Variants in DNAJC3 observed in about 807,000 individuals in gnomAD.
DNAJC3 encodes the protein dnaJ homolog subfamily C member 3.
In DNAJC3, 38 loss-of-function variants were observed where a neutral mutation model predicts 68.6. The observed-to-expected ratio is 0.55, with a 90% confidence interval of 0.43 to 0.73. The LOEUF (loss-of-function observed/expected upper bound fraction) is 0.73, where lower values mean the gene tolerates loss of function less well. Ranked by LOEUF, DNAJC3 falls within the 30% of genes least tolerant of loss-of-function variation. DNAJC3 has a pLI of 0.00. For missense variants in DNAJC3, 526 were observed against 591.9 expected, an observed-to-expected ratio of 0.89 and a Z score of 1.16; for synonymous variants, 203 against 204.0, an observed-to-expected ratio of 1.00 and a Z score of 0.04.
chr13:95,734,318 C>A (rs1012913326), intron 4 of DNAJC3, among the ~76,000 whole-genome samples: 1 of 152,166 alleles, frequency 6.6e-6, no homozygotes, highest in African/African-American at 2.4e-5. Flanking sequence ...TGACAGTTTT[C>A]TCTTAGCACT....
chr13:95,773,776 C>A (rs1406289703), intron 9 of DNAJC3, among the ~76,000 whole-genome samples: 1 of 116,972 alleles, frequency 8.5e-6, no homozygotes, highest in Non-Finnish European at 1.6e-5. Context: ...CTTGCTCTGT[C>A]GCCAGGCTGG....
intron 1 of DNAJC3, 34 bp from the exon 2 acceptor site, chr13:95,709,193 A>G: frequency 7.0e-7 from 1 of 1,428,594 alleles, no homozygotes; most frequent in Non-Finnish European, 9.4e-7. Flanking sequence ...TAGTTCGTGG[A>G]AAGTTAACTG....
intron 1 of DNAJC3, among the ~76,000 whole-genome samples, chr13:95,678,426 T>C (rs1252495947): frequency 6.6e-6 from 1 of 152,198 alleles, no homozygotes; most frequent in Non-Finnish European, 1.5e-5. Flanking sequence ...AATGGGCTTT[T>C]GCTTTTGCTT....
chr13:95,774,404 G>A (rs971318872), intron 9 of DNAJC3, among the ~76,000 whole-genome samples: 12 of 152,116 alleles, frequency 7.9e-5, no homozygotes, highest in African/African-American at 2.4e-4. Context: ...CATACTAGGT[G>A]TGATTTCCTT....
At chr13:95,783,625 G>T (rs1394868966) in intron 9 of DNAJC3, among the ~76,000 whole-genome samples, 1 of 152,164 alleles carries the variant, frequency 6.6e-6, no homozygotes, top group Admixed American at 6.5e-5. Context: ...ACTGATGCGA[G>T]AATTCACTTT....
At chr13:95,765,567 GTTT>G (rs1024972959) in intron 9 of DNAJC3, among the ~76,000 whole-genome samples, 4 of 102,336 alleles carry the variant, frequency 3.9e-5, no homozygotes, top group African/African-American at 7.5e-5. Flanking sequence ...TAATTGATCT[GTTT>G]TTTTTTTTTT....
At chr13:95,777,261 C>A (rs1883317995) in intron 9 of DNAJC3, among the ~76,000 whole-genome samples, 1 of 152,030 alleles carries the variant, frequency 6.6e-6, no homozygotes, top group South Asian at 2.1e-4. Flanking sequence ...AACCTGGGGC[C>A]AGGTTTTTTG....
chr13:95,777,713 A>G (rs1007880949), intron 9 of DNAJC3, among the ~76,000 whole-genome samples: 2 of 152,230 alleles, frequency 1.3e-5, no homozygotes, highest in Non-Finnish European at 2.9e-5. Context: ...ATAGACAGCA[A>G]TATAATAATG....
chr13:95,767,647 T>G (rs966199261), intron 9 of DNAJC3, among the ~76,000 whole-genome samples: 10 of 152,088 alleles, frequency 6.6e-5, no homozygotes, highest in Non-Finnish European at 2.9e-5. Context: ...CAGCAGTGTA[T>G]TAAAGATTCT....
intron 9 of DNAJC3, among the ~76,000 whole-genome samples, chr13:95,769,992 AAAGTGTTGG>A (rs1195985933): frequency 1.3e-5 from 2 of 152,230 alleles, no homozygotes; most frequent in Non-Finnish European, 2.9e-5. Flanking sequence ...TGAAAAGCTT[AAAGTGTTGG>A]AAGTAAAAAG....
intron 9 of DNAJC3, among the ~76,000 whole-genome samples, chr13:95,770,986 G>A (rs1447440086): frequency 6.6e-6 from 1 of 152,066 alleles, no homozygotes; most frequent in Non-Finnish European, 1.5e-5. Flanking sequence ...GAGAAAAGTT[G>A]AAAGAATTTC....
intron 2 of DNAJC3, among the ~76,000 whole-genome samples, chr13:95,723,007 C>A (rs1881385775): frequency 6.6e-6 from 1 of 151,788 alleles, no homozygotes; most frequent in African/African-American, 2.4e-5. Context: ...AAAAAACATT[C>A]TTAATTGAAG....
chr13:95,716,953 G>A (rs1397160888), intron 2 of DNAJC3, among the ~76,000 whole-genome samples: 1 of 152,132 alleles, frequency 6.6e-6, no homozygotes, highest in Non-Finnish European at 1.5e-5. Flanking sequence ...CCCTACCTGG[G>A]ACCCCACCCC....
At position 95,772,896 on chromosome 13, in the gene DNAJC3, G is replaced by A. The variant is rs182054926; in HGVS notation, c.1075+8943G>A. On this transcript the variant is annotated intron_variant, in intron 9 of 11. Coordinates refer to ENST00000602402, the MANE Select transcript of DNAJC3 (RefSeq NM_006260.5). ...TTGATTTGCTAACATTTTAAGAAGTGTGCACCTATGTTCATGAGGGATAAT... is the reference window on the plus strand; with the variant it reads ...TTGATTTGCTAACATTTTAAGAAGTATGCACCTATGTTCATGAGGGATAAT... 3.3e-5 allele frequency among the ~76,000 whole-genome samples: 5 copies of A among 152,278 alleles called. No homozygotes were observed. The East Asian group carries it at 9.6e-4, about 29-fold the overall frequency.
At chr13:95,691,364 C>T (rs1880253286) in intron 1 of DNAJC3, among the ~76,000 whole-genome samples, 1 of 151,370 alleles carries the variant, frequency 6.6e-6, no homozygotes, top group Non-Finnish European at 1.5e-5. Flanking sequence ...CAGAGGGTCT[C>T]CTCACTTCTC....
intron 9 of DNAJC3, among the ~76,000 whole-genome samples, chr13:95,785,527 C>T (rs1177783631): frequency 7.3e-5 from 9 of 123,900 alleles, no homozygotes; most frequent in South Asian, 2.7e-4. Flanking sequence ...GGTGCGATGT[C>T]GGCCACTGCA....
intron 4 of DNAJC3, among the ~76,000 whole-genome samples, chr13:95,733,747 G>T (rs1435599025): frequency 7.6e-6 from 1 of 131,598 alleles, no homozygotes; most frequent in African/African-American, 2.9e-5. Flanking sequence ...GTCTTAAACC[G>T]ATAAATACGT....
intron 1 of DNAJC3, among the ~76,000 whole-genome samples, chr13:95,705,978 C>G (rs548053069): frequency 1.3e-5 from 2 of 152,192 alleles, no homozygotes; most frequent in Non-Finnish European, 2.9e-5. Flanking sequence ...GGATCCCTCT[C>G]TCTTATTATG....
intron 7 of DNAJC3, among the ~76,000 whole-genome samples, chr13:95,763,115 C>T (rs1217054663): frequency 6.6e-6 from 1 of 152,096 alleles, no homozygotes; most frequent in African/African-American, 2.4e-5. Flanking sequence ...GCTGAAATAG[C>T]TTTTATTCTT....
Sources: allele counts gnomAD v4.1 joint callset (sites outside exome capture counted in the v4.1 genomes callset), GRCh38; gene constraint gnomAD v4.1.1; transcripts MANE v1.5; gene names NCBI Gene and HGNC (gene_info 2026-07-23, HGNC 2026-07-21).